TMEM94: variants seen among roughly 807,000 people sequenced by gnomAD.
TMEM94 encodes transmembrane protein 94, also known as ER Mg2+ ATPase.
In TMEM94, 81 loss-of-function variants were observed where a neutral mutation model predicts 158.6. The observed-to-expected ratio is 0.51, with a 90% CI of 0.43 to 0.61. TMEM94 has a LOEUF of 0.61. Ranked by LOEUF, TMEM94 falls within the 20% of genes least tolerant of loss-of-function variation. The pLI is 0.00. For synonymous variants in TMEM94, 751 were observed against 730.7 expected (o/e 1.03, Z -0.45); for missense variants, 1,435 against 1,762.0 (o/e 0.81, Z 3.32).
At position 75,497,179 on chromosome 17, in the gene TMEM94, T is replaced by C; in HGVS notation, c.3388T>C (p.Phe1130Leu). ...STTDILWLSCFCYPLLSISLL... is the reference protein window; with the variant it reads ...STTDILWLSCLCYPLLSISLL... Reference sequence around the variant, plus strand: ...CACCGACATCCTGTGGCTGTCCTGCTTTTGCTACCCTCTGCTCAGGTGAGA... The same window carrying C: ...CACCGACATCCTGTGGCTGTCCTGCCTTTGCTACCCTCTGCTCAGGTGAGA... The change falls in exon 26 of 32, where the codon TTT becomes CTT. Residue 1130 changes from phenylalanine to leucine, a missense_variant. By Grantham distance (22) the Phe-to-Leu change is conservative (BLOSUM62 0). Coordinates refer to ENST00000314256, the MANE Select transcript of TMEM94 (RefSeq NM_014738.6). 1 of 1,613,862 alleles carries C rather than the reference T, an allele frequency of 6.2e-7. No homozygotes were observed. The highest frequency in any genetic ancestry group is 8.5e-7 in the Non-Finnish European group (1 of 1,179,912).
rs1203112397 is a variant in TMEM94, at chr17:75,489,608, C to T, written c.900C>T (p.Phe300=). The change falls in exon 9 of 32, where the codon TTC becomes TTT. Residue 300 remains phenylalanine (F), a synonymous_variant. Coordinates refer to ENST00000314256, the MANE Select transcript of TMEM94 (RefSeq NM_014738.6). This position sits in a 1 kb window ranked among gnomAD's most constrained non-coding sequence, Gnocchi z 5.0. Reference sequence around the variant, plus strand: ...TCCTCATCACCAATGCCCTGCGCTTCATCTTCAGTGCCCCGGGGGTCACTT... The same window carrying T: ...TCCTCATCACCAATGCCCTGCGCTTTATCTTCAGTGCCCCGGGGGTCACTT... ...AGFLITNALR[F]IFSAPGVTSW... 5 of 1,614,122 alleles carry T rather than the reference C, an allele frequency of 3.1e-6. No homozygotes were observed. Among genetic ancestry groups the T allele is most frequent in the East Asian group, 4.5e-5 (2 of 44,884 alleles).
At chr17:75,496,188 G>A in intron 23 of TMEM94, 94 bp from the exon 24 acceptor site, 1 of 1,569,918 alleles carries the variant, frequency 6.4e-7, no homozygotes, top group South Asian at 1.1e-5. Flanking sequence ...CCCTGGCTGG[G>A]ACCAATGCAC....
At chr17:75,459,892 A>C (rs1237049933) in intron 1 of TMEM94, 1 of 152,176 alleles carries the variant, frequency 6.6e-6, no homozygotes, top group Admixed American at 6.6e-5. Flanking sequence ...GTTTCCAAGC[A>C]GGCCTGGGTT....
chr17:75,477,692 C>T (rs1293984701), intron 2 of TMEM94, among the ~76,000 whole-genome samples: 1 of 152,058 alleles, frequency 6.6e-6, no homozygotes, highest in Non-Finnish European at 1.5e-5. Context: ...CTGCTGTGCC[C>T]AGAACGTCGT....
At position 75,494,622 on chromosome 17, in the gene TMEM94, TGAA is replaced by T; in HGVS notation, c.2408_2410del. The T allele has an allele frequency of 1.2e-6, 2 of 1,612,934 alleles. No homozygotes were observed. The highest frequency in any genetic ancestry group is 1.3e-5 in the African/African-American group (1 of 74,874). On this transcript the variant is annotated splice_acceptor_variant and splice_polypyrimidine_tract_variant and intron_variant, in intron 18 of 31. Coordinates refer to ENST00000314256, the MANE Select transcript of TMEM94 (RefSeq NM_014738.6). LOFTEE classifies it high-confidence loss of function. ...CGGGCTGTGTCCTGTGTGTCCTGCC[TGAA>T]GAAGGGATCGGGGAGGTGCTGGAGA...
chr17:75,498,854 A>C lies in TMEM94; in HGVS notation c.3828-58A>C, dbSNP rs1291470971. 2.6e-6 allele frequency: 4 copies of C among 1,523,060 alleles called. No individual in the cohort carries two copies. The highest frequency in any genetic ancestry group is 2.6e-6 in the Non-Finnish European group (3 of 1,135,204). 94.3% of individuals were successfully genotyped at this position (1,523,060 alleles called of 1,614,324 possible). A position where few individuals can be genotyped will look rare whatever the true frequency, so the allele number is the denominator to read the frequency against. ...TGCCTGAGCTAACTGTTGTACTGGG[A>C]AGAGCAGGGAAGGAAGCAAGCAGTG... On this transcript the variant is annotated intron_variant, in intron 30 of 31. Transcript: ENST00000314256. This position sits in a 1 kb window ranked among gnomAD's most constrained non-coding sequence, Gnocchi z 6.7.
rs560491250 is a variant in TMEM94, at chr17:75,465,073, C to T, written c.-106-6727C>T. The stretch of plus-strand genomic sequence containing the variant: ...GGAGTGTAGTGGCGTGATCATAGCT[C>T]CCTGCAGCCTTGAACTCCTGGTCTC... On this transcript the variant is annotated intron_variant, in intron 1 of 31. Transcript: ENST00000314256. Among the ~76,000 whole-genome samples, 126 of 152,148 alleles carry T rather than the reference C, an allele frequency of 8.3e-4. 1 individual carries two copies. Among genetic ancestry groups the T allele is most frequent in the Middle Eastern group, 3.4e-3 (1 of 294 alleles).
At chr17:75,479,935 A>G (rs1339820034) in intron 2 of TMEM94, among the ~76,000 whole-genome samples, 3 of 151,196 alleles carry the variant, frequency 2.0e-5, no homozygotes, top group Admixed American at 6.6e-5. Context: ...ACTAAAAACA[A>G]CCCTATCTGG....
chr17:75,473,026 G>A (rs971574667), intron 2 of TMEM94, among the ~76,000 whole-genome samples: 16 of 152,010 alleles, frequency 1.1e-4, no homozygotes, highest in Non-Finnish European at 2.1e-4. Context: ...TCACAGCACC[G>A]AGCCTGGCAT....
Position 75,492,255 on chromosome 17 carries a change from G to A in TMEM94, c.1597-219G>A, listed in dbSNP as rs908670750. ...TCTTTTTAGCTCCTGCCAGTGTCAT[G>A]AGATATATTAATAGTCCATAGAAGC... On this transcript the variant is annotated intron_variant, in intron 14 of 31. Transcript: ENST00000314256. This position sits in a 1 kb window ranked among gnomAD's most constrained non-coding sequence, Gnocchi z 4.4. The A allele has an allele frequency of 4.9e-6, 7 of 1,423,556 alleles. No individual in the cohort carries two copies. Among genetic ancestry groups the A allele is most frequent in the East Asian group, 2.5e-5 (1 of 39,502 alleles). The allele number at this position is 1,423,556 out of a possible 1,614,324, so 88.2% of individuals were successfully genotyped here.
rs768383964 is a variant in TMEM94, at chr17:75,498,351, A to G, written c.3638+28A>G. On this transcript the variant is annotated intron_variant, in intron 28 of 31. Transcript: ENST00000314256. This position sits in a 1 kb window ranked among gnomAD's most constrained non-coding sequence, Gnocchi z 6.7. ...GGGTCCCAGCCCCAGAGATCCACCC[A>G]TCGCCTGCCTCGCCTCGAGGCTTCC... The G allele has an allele frequency of 1.9e-6, 3 of 1,612,608 alleles. No individual in the cohort carries two copies. The East Asian group carries it at 6.7e-5, about 36-fold the overall frequency.
At chr17:75,481,238 G>A (rs1294076696) in intron 2 of TMEM94, among the ~76,000 whole-genome samples, 1 of 152,254 alleles carries the variant, frequency 6.6e-6, no homozygotes, top group Non-Finnish European at 1.5e-5. Flanking sequence ...CCAAAGGGAG[G>A]TGGGTGCGTT....
chr17:75,492,270 T>C lies in TMEM94; in HGVS notation c.1597-204T>C. 7.0e-7 allele frequency: 1 copy of C among 1,425,690 alleles called. No individual in the cohort carries two copies. The highest frequency in any genetic ancestry group is 2.5e-5 in the East Asian group (1 of 39,564). The allele number at this position is 1,425,690 out of a possible 1,614,324, so 88.3% of individuals were successfully genotyped here. A position where few individuals can be genotyped will look rare whatever the true frequency, so the allele number is the denominator to read the frequency against. Reference sequence around the variant, plus strand: ...CCAGTGTCATGAGATATATTAATAGTCCATAGAAGCAGACAGGAGCCCAAG... The same window carrying C: ...CCAGTGTCATGAGATATATTAATAGCCCATAGAAGCAGACAGGAGCCCAAG... On this transcript the variant is annotated intron_variant, in intron 14 of 31. Coordinates refer to ENST00000314256, the MANE Select transcript of TMEM94 (RefSeq NM_014738.6). This position sits in a 1 kb window ranked among gnomAD's most constrained non-coding sequence, Gnocchi z 4.4.
intron 26 of TMEM94, 150 bp downstream of exon 26, chr17:75,497,348 T>A: frequency 1.8e-5 from 5 of 273,560 alleles, no homozygotes; most frequent in Non-Finnish European, 2.0e-5. Flanking sequence ...CTTTGTCTTT[T>A]TTTTTTTTTT....
At position 75,500,250 on chromosome 17, in the gene TMEM94, A is replaced by G. The variant is rs2053148095; in HGVS notation, c.*916A>G. The G allele has an allele frequency of 6.6e-6, 1 of 152,226 alleles. No individual in the cohort carries two copies. Among genetic ancestry groups the G allele is most frequent in the Non-Finnish European group, 1.5e-5 (1 of 68,098 alleles). 9.4% of individuals were successfully genotyped at this position (152,226 alleles called of 1,614,324 possible). A position where few individuals can be genotyped will look rare whatever the true frequency, so the allele number is the denominator to read the frequency against. ...GGGTCCCCATGTCACAGAGGCAAACACACAGCCCAGTCACGTGGAATGGTG... is the reference window on the plus strand; with the variant it reads ...GGGTCCCCATGTCACAGAGGCAAACGCACAGCCCAGTCACGTGGAATGGTG... On this transcript the variant is annotated 3_prime_UTR_variant, in exon 32 of 32. Transcript: ENST00000314256.
In TMEM94 at chr17:75,491,032, T is replaced by C. The variant is rs1205105132; in HGVS notation, c.1129-17T>C. The C allele has an allele frequency of 1.9e-6, 3 of 1,589,300 alleles. No individual in the cohort carries two copies. Among genetic ancestry groups the C allele is most frequent in the Non-Finnish European group, 2.6e-6 (3 of 1,165,000 alleles). On this transcript the variant is annotated splice_polypyrimidine_tract_variant and intron_variant, in intron 11 of 31. Coordinates refer to ENST00000314256, the MANE Select transcript of TMEM94 (RefSeq NM_014738.6). The surrounding 1 kb of genome is among the most constrained non-coding windows in gnomAD (Gnocchi z 5.1). ...CTGAGCCCTAAATGGCCTTGCAGACTTCCTCTCTCCCACCAGGAAATGCTG... is the reference window on the plus strand; with the variant it reads ...CTGAGCCCTAAATGGCCTTGCAGACCTCCTCTCTCCCACCAGGAAATGCTG...
rs1567973691 is a variant in TMEM94 at position 75,495,896 on chromosome 17, T to C, written c.2945-70T>C. 6 of 1,146,442 alleles carry C rather than the reference T, an allele frequency of 5.2e-6. No individual in the cohort carries two copies. Among genetic ancestry groups the C allele is most frequent in the Non-Finnish European group, 3.9e-6 (3 of 770,328 alleles). 71.0% of individuals were successfully genotyped at this position (1,146,442 alleles called of 1,614,324 possible). A position where few individuals can be genotyped will look rare whatever the true frequency, so the allele number is the denominator to read the frequency against. ...CATCGCCTCCTGCTCTCCTGTCCCA[T>C]GGGTCTCTGCCCAGTGCCCACTTGG... On this transcript the variant is annotated intron_variant, in intron 22 of 31. Transcript: ENST00000314256. The surrounding 1 kb of genome is among the most constrained non-coding windows in gnomAD (Gnocchi z 5.6).
intron 1 of TMEM94, among the ~76,000 whole-genome samples, chr17:75,458,985 A>G (rs1299069275): frequency 4.6e-5 from 7 of 151,088 alleles, no homozygotes; most frequent in Non-Finnish European, 8.8e-5. Context: ...TGAACCCGGG[A>G]GGCAGAGCTT....
intron 2 of TMEM94, among the ~76,000 whole-genome samples, chr17:75,484,361 A>AGGAACAG (rs2051414232): frequency 7.9e-6 from 1 of 125,992 alleles, no homozygotes; most frequent in Non-Finnish European, 1.6e-5. Context: ...TTTTTCCTTC[A>AGGAACAG]TGTCTTTCCT....
Sources: gnomAD v4.1 joint callset for allele counts (sites outside exome capture counted in the v4.1 genomes callset) on GRCh38, gnomAD v4.1.1 for gene constraint, Gnocchi (gnomAD v3.1) non-coding constraint, MANE v1.5 for transcripts, NCBI Gene and HGNC (gene_info 2026-07-23, HGNC 2026-07-21) for gene names.